The following MTHFD1L variants were observed in gnomAD, a reference collection of about 807,000 sequenced individuals.
The protein encoded by MTHFD1L is methylenetetrahydrofolate dehydrogenase (NADP+ dependent) 1 like.
MTHFD1L carries 81 observed loss-of-function variants against 119.5 expected under a neutral mutation model. The observed-to-expected ratio is 0.68, with a 90% CI of 0.57 to 0.82. MTHFD1L has a LOEUF of 0.82. Ranked by LOEUF, MTHFD1L falls within the 40% of genes least tolerant of loss-of-function variation. The pLI is 0.00. For missense variants in MTHFD1L, 1,125 were observed against 1,253.4 expected (o/e 0.90, Z 1.55); for synonymous variants, 430 against 475.2 (o/e 0.90, Z 1.24).
At chr6:150,907,627 G>C (rs1002492252) in intron 8 of MTHFD1L, among the ~76,000 whole-genome samples, 1 of 151,130 alleles carries the variant, frequency 6.6e-6, no homozygotes, top group Non-Finnish European at 1.5e-5. Context: ...AGCGCCTCAA[G>C]ACAGCCTTGT....
chr6:150,965,660 G>GAA (rs5880907), intron 19 of MTHFD1L, among the ~76,000 whole-genome samples: 177 of 144,354 alleles, frequency 1.2e-3, no homozygotes, highest in African/African-American at 2.2e-3. Context: ...GACTCCGTCT[G>GAA]AAAAAAAAAA....
At chr6:151,035,916 A>G (rs1334257342) in intron 25 of MTHFD1L, among the ~76,000 whole-genome samples, 1 of 152,182 alleles carries the variant, frequency 6.6e-6, no homozygotes, top group African/African-American at 2.4e-5. Context: ...AAATTCTGGC[A>G]CCATTTCTGA....
Position 150,965,836 on chromosome 6 carries a change from T to C in MTHFD1L, c.2013+799T>C, listed in dbSNP as rs531513391. ...AGCAAAATACAATAAATGCCAAGAC[T>C]TTCCAGGAAAGCATTTGCCAAAGGC... On this transcript the variant is annotated intron_variant, in intron 19 of 27. Transcript: ENST00000367321. Among the ~76,000 whole-genome samples the C allele has an allele frequency of 2.0e-5, 3 of 152,298 alleles. No homozygotes were observed. The East Asian group carries it at 5.8e-4, about 29-fold the overall frequency.
At chr6:150,974,492 C>G (rs965457469) in intron 20 of MTHFD1L, among the ~76,000 whole-genome samples, 4 of 152,106 alleles carry the variant, frequency 2.6e-5, no homozygotes, top group African/African-American at 9.7e-5. Context: ...GTGAAGTACA[C>G]CTTCATTGTT....
chr6:151,046,507 A>G (rs1051206725), intron 26 of MTHFD1L, among the ~76,000 whole-genome samples: 10 of 124,296 alleles, frequency 8.0e-5, no homozygotes, highest in Non-Finnish European at 1.2e-4. Flanking sequence ...ATATATATAT[A>G]TATATATAGA....
chr6:150,994,077 A>AAAGAAAGAAAGAAAGAAAGAAG (rs1562508689), intron 20 of MTHFD1L, among the ~76,000 whole-genome samples: 1 of 105,300 alleles, frequency 9.5e-6, no homozygotes, highest in African/African-American at 3.7e-5. Context: ...AAAAAAAAAA[A>AAAGAAAGAAAGAAAGAAAGAAG]AAAGAAAGAA....
At chr6:150,874,684 G>T (rs1320271334) in intron 1 of MTHFD1L, among the ~76,000 whole-genome samples, 1 of 152,200 alleles carries the variant, frequency 6.6e-6, no homozygotes, top group African/African-American at 2.4e-5. Context: ...GTGCTGCTGA[G>T]AACATATCAT....
intron 19 of MTHFD1L, among the ~76,000 whole-genome samples, chr6:150,966,618 CCTCGAGA>C (rs1797253518): frequency 6.6e-6 from 1 of 152,078 alleles, no homozygotes; most frequent in Non-Finnish European, 1.5e-5. Flanking sequence ...AGGTCAGGAA[CCTCGAGA>C]CCAGCCTGGC....
intron 7 of MTHFD1L, 108 bp from the exon 8 acceptor site, chr6:150,905,542 A>G (rs1201722882): frequency 1.3e-6 from 1 of 780,662 alleles, no homozygotes; most frequent in Admixed American, 2.0e-5. Context: ...AGCAGCTTGG[A>G]ACAAAGCTGT....
chr6:150,957,095 C>T (rs964756105), intron 17 of MTHFD1L, among the ~76,000 whole-genome samples: 1 of 152,216 alleles, frequency 6.6e-6, no homozygotes, highest in African/African-American at 2.4e-5. Flanking sequence ...TGTTCTTAGC[C>T]TCTCCTGCTA....
chr6:150,878,308 A>G lies in MTHFD1L; in HGVS notation c.417+482A>G, dbSNP rs370124755. Among the ~76,000 whole-genome samples the G allele has an allele frequency of 2.0e-4, 31 of 151,670 alleles. No individual in the cohort carries two copies. In the East Asian group the frequency reaches 3.3e-3, roughly 16 times the overall value. ...CTTTTGTTGCCCAGGCTGGAGTGCA[A>G]TGGTGCCATCTCGGCTCACTGCAAC... is the stretch of plus-strand genomic sequence containing the variant. On this transcript the variant is annotated intron_variant, in intron 4 of 27. Coordinates refer to ENST00000367321, the MANE Select transcript of MTHFD1L (RefSeq NM_015440.5).
intron 25 of MTHFD1L, among the ~76,000 whole-genome samples, chr6:151,035,825 C>A (rs1200816224): frequency 6.6e-6 from 1 of 151,932 alleles, no homozygotes. Context: ...TTTTAATATG[C>A]CTACTGACAA....
At chr6:151,020,697 C>T (rs1783828894) in intron 24 of MTHFD1L, among the ~76,000 whole-genome samples, 1 of 152,202 alleles carries the variant, frequency 6.6e-6, no homozygotes, top group Admixed American at 6.5e-5. Flanking sequence ...CCTCTCTACC[C>T]TTGAGGGTGA....
intron 24 of MTHFD1L, among the ~76,000 whole-genome samples, chr6:151,030,770 C>G (rs1785236691): frequency 6.6e-6 from 1 of 152,168 alleles, no homozygotes; most frequent in Non-Finnish European, 1.5e-5. Context: ...TAGGGAGGGC[C>G]TTGTATATAT....
intron 22 of MTHFD1L, 34 bp from the exon 23 acceptor site, chr6:151,014,846 A>G (rs2128490255): frequency 1.3e-6 from 2 of 1,575,020 alleles, no homozygotes; most frequent in South Asian, 1.1e-5. Flanking sequence ...GACAATACAC[A>G]GGGGTCTGGG....
intron 26 of MTHFD1L, among the ~76,000 whole-genome samples, chr6:151,048,273 C>T (rs1584310920): frequency 2.0e-5 from 3 of 152,116 alleles, no homozygotes; most frequent in East Asian, 1.9e-4. Flanking sequence ...CTTTCAAGCA[C>T]ACCTCTTCAC....
At chr6:151,075,464 G>T (rs1413133451) in intron 26 of MTHFD1L, among the ~76,000 whole-genome samples, 1 of 151,796 alleles carries the variant, frequency 6.6e-6, no homozygotes, top group Non-Finnish European at 1.5e-5. Flanking sequence ...AAGTGTTTAA[G>T]CATATAATAA....
At chr6:150,921,048 C>G (rs1027368581) in intron 9 of MTHFD1L, among the ~76,000 whole-genome samples, 1 of 143,720 alleles carries the variant, frequency 7.0e-6, no homozygotes, top group Non-Finnish European at 1.5e-5. Context: ...ATCTCCCGGG[C>G]TCAAGTGATT....
intron 8 of MTHFD1L, among the ~76,000 whole-genome samples, chr6:150,918,209 G>T (rs778880185): frequency 1.3e-5 from 2 of 151,876 alleles, no homozygotes; most frequent in Admixed American, 6.6e-5. Context: ...GGGACTACGG[G>T]TACACGCCAC....
Sources: gnomAD v4.1 joint callset for allele counts (sites outside exome capture counted in the v4.1 genomes callset) on GRCh38, gnomAD v4.1.1 for gene constraint, MANE v1.5 for transcripts, NCBI Gene and HGNC (gene_info 2026-07-23, HGNC 2026-07-21) for gene names.